The following VPS35L variants were observed in gnomAD, a reference collection of about 807,000 sequenced individuals.
VPS35L encodes the protein VPS35 endosomal protein-sorting factor-like.
A neutral mutation model predicts 133.0 loss-of-function variants in VPS35L; 83 were observed. The ratio of observed to expected loss-of-function variants is 0.62; its 90% CI spans 0.52 to 0.75. The LOEUF (loss-of-function observed/expected upper bound fraction) is 0.75, where lower values mean the gene tolerates loss of function less well. Ranked by LOEUF, VPS35L falls within the 30% of genes least tolerant of loss-of-function variation. The pLI is 0.00. For synonymous variants in VPS35L, 423 were observed against 449.9 expected (o/e 0.94, Z 0.76); for missense variants, 1,083 against 1,206.8 (o/e 0.90, Z 1.52).
chr16:19,611,978 C>T (rs544225565), intron 12 of VPS35L, among the ~76,000 whole-genome samples: 72 of 149,542 alleles, frequency 4.8e-4, no homozygotes, highest in African/African-American at 1.7e-3. Context: ...CTCACTCTGT[C>T]GCCCGGCTGG....
intron 23 of VPS35L, among the ~76,000 whole-genome samples, chr16:19,645,991 A>G (rs544272902): frequency 2.3e-4 from 35 of 152,018 alleles, no homozygotes; most frequent in Non-Finnish European, 3.4e-4. Context: ...GGGTCGAGAC[A>G]GGGGTTTCCA....
intron 9 of VPS35L, among the ~76,000 whole-genome samples, chr16:19,607,079 G>GT (rs1364940326): frequency 2.0e-5 from 3 of 152,184 alleles, no homozygotes; most frequent in South Asian, 2.1e-4. Context: ...TAAGTTTTGT[G>GT]TTTTTTCTTT....
intron 1 of VPS35L, 65 bp downstream of exon 1, chr16:19,555,811 G>C: frequency 6.6e-7 from 1 of 1,515,868 alleles, no homozygotes; most frequent in East Asian, 2.3e-5. Flanking sequence ...GGGTCGGCCT[G>C]GGTCTGAGAG....
At chr16:19,579,894 G>A (rs944153954) in intron 6 of VPS35L, 1 of 150,226 alleles carries the variant, frequency 6.7e-6, no homozygotes, top group Admixed American at 6.6e-5. Context: ...AACAAATACA[G>A]AATTTCTTGA....
intron 28 of VPS35L, among the ~76,000 whole-genome samples, chr16:19,689,852 G>A (rs1161256282): frequency 9.2e-5 from 14 of 152,218 alleles, no homozygotes. Flanking sequence ...GTCTTGGAAC[G>A]TATCCCCCAA....
chr16:19,672,747 T>G (rs1032416993), intron 27 of VPS35L, among the ~76,000 whole-genome samples: 1 of 152,184 alleles, frequency 6.6e-6, no homozygotes, highest in Non-Finnish European at 1.5e-5. Flanking sequence ...ATCTCCATAT[T>G]AGTACTCTGT....
At position 19,641,264 on chromosome 16, in the gene VPS35L, G is replaced by A. The variant is rs143673692; in HGVS notation, c.1785-1132G>A. Among the ~76,000 whole-genome samples, 822 of 151,596 alleles carry A rather than the reference G, an allele frequency of 5.4e-3. 6 individuals carry two copies. The highest frequency in any genetic ancestry group is 0.019 in the African/African-American group (777 of 41,340). On this transcript the variant is annotated intron_variant, in intron 21 of 30. Transcript: ENST00000417362. ...GTATTTTTTATAGAGACAGGGTTTCGCCATGGTGGCCAGGCTGGTCTCGAG... is the reference window on the plus strand; with the variant it reads ...GTATTTTTTATAGAGACAGGGTTTCACCATGGTGGCCAGGCTGGTCTCGAG...
intron 1 of VPS35L, 120 bp downstream of exon 1, chr16:19,555,866 C>A: frequency 7.2e-7 from 1 of 1,383,066 alleles, no homozygotes. Context: ...CCGGCCACCC[C>A]CAAGTTGTCT....
At chr16:19,656,742 C>T (rs1013624909) in intron 26 of VPS35L, among the ~76,000 whole-genome samples, 1 of 151,816 alleles carries the variant, frequency 6.6e-6, no homozygotes, top group Non-Finnish European at 1.5e-5. Context: ...GAAAGTATGC[C>T]ATGGGTTTTA....
chr16:19,603,640 A>G (rs541780651), intron 9 of VPS35L, among the ~76,000 whole-genome samples: 1 of 152,262 alleles, frequency 6.6e-6, no homozygotes, highest in African/African-American at 2.4e-5. Context: ...GGTTGGAGGC[A>G]GTGATCTGGG....
chr16:19,605,930 A>G (rs1166497912), intron 9 of VPS35L, among the ~76,000 whole-genome samples: 5 of 152,204 alleles, frequency 3.3e-5, no homozygotes, highest in Admixed American at 6.5e-5. Flanking sequence ...AGCCTGGAAC[A>G]CCACCTTTAG....
At chr16:19,697,890 T>C (rs1975972374) in intron 29 of VPS35L, among the ~76,000 whole-genome samples, 2 of 152,180 alleles carry the variant, frequency 1.3e-5, no homozygotes, top group Non-Finnish European at 2.9e-5. Context: ...CCCCTCTGCA[T>C]TGTGAGGACC....
intron 1 of VPS35L, among the ~76,000 whole-genome samples, chr16:19,560,787 C>T (rs1314314753): frequency 6.6e-6 from 1 of 150,630 alleles, no homozygotes; most frequent in Non-Finnish European, 1.5e-5. Flanking sequence ...CAAAGCAATA[C>T]TCTGTCTAAA....
At chr16:19,588,795 G>C (rs1176295692) in intron 7 of VPS35L, among the ~76,000 whole-genome samples, 1 of 152,128 alleles carries the variant, frequency 6.6e-6, no homozygotes, top group East Asian at 1.9e-4. Context: ...CTCTAGATAA[G>C]AGCCTATACC....
intron 27 of VPS35L, among the ~76,000 whole-genome samples, chr16:19,680,174 T>A (rs919543730): frequency 1.3e-5 from 2 of 152,184 alleles, no homozygotes; most frequent in African/African-American, 4.8e-5. Flanking sequence ...TCATTTCCCA[T>A]CTGCGAAATG....
intron 26 of VPS35L, among the ~76,000 whole-genome samples, chr16:19,659,385 C>T (rs916257273): frequency 2.0e-5 from 3 of 152,058 alleles, no homozygotes; most frequent in South Asian, 4.2e-4. Flanking sequence ...ATGGTACTAC[C>T]GAAGCTAAGA....
intron 12 of VPS35L, among the ~76,000 whole-genome samples, chr16:19,615,469 G>A (rs984591277): frequency 6.6e-6 from 1 of 151,972 alleles, no homozygotes; most frequent in Non-Finnish European, 1.5e-5. Flanking sequence ...GGCCAACATG[G>A]TGAAACCCCG....
At chr16:19,598,534 A>G (rs1972285005) in intron 8 of VPS35L, among the ~76,000 whole-genome samples, 1 of 152,200 alleles carries the variant, frequency 6.6e-6, no homozygotes, top group South Asian at 2.1e-4. Flanking sequence ...CTGTAATCCC[A>G]GCACTTTGGG....
intron 7 of VPS35L, among the ~76,000 whole-genome samples, chr16:19,585,961 CAT>C (rs1971851392): frequency 2.0e-5 from 3 of 151,762 alleles, no homozygotes; most frequent in Non-Finnish European, 2.9e-5. Context: ...GCAGTGGTGC[CAT>C]CACAGCTCAA....
Sources: gnomAD v4.1 joint callset for allele counts (sites outside exome capture counted in the v4.1 genomes callset) on GRCh38, gnomAD v4.1.1 for gene constraint, MANE v1.5 for transcripts, NCBI Gene and HGNC (gene_info 2026-07-23, HGNC 2026-07-21) for gene names.